BTK: variants seen among roughly 807,000 people sequenced by gnomAD.
The protein encoded by BTK is Bruton tyrosine kinase, also known as tyrosine-protein kinase BTK.
BTK carries 5 observed loss-of-function variants against 57.4 expected under a neutral mutation model. The observed-to-expected ratio is 0.09, with a 90% CI of 0.05 to 0.18. The LOEUF (loss-of-function observed/expected upper bound fraction) is 0.18. Among genes scored for constraint, BTK ranks in the 10% least tolerant of loss-of-function variants. BTK has a pLI of 1.00. For synonymous variants in BTK, 154 were observed against 174.3 expected (o/e 0.88, Z 0.92); for missense variants, 194 against 501.2 (o/e 0.39, Z 5.85).
At chrX:101,357,629 G>A (rs1926529614) in intron 12 of BTK, 46 bp from the exon 13 acceptor site, 1 of 1,047,461 alleles carries the variant, frequency 9.5e-7, no homozygotes, top group Non-Finnish European at 1.3e-6. Flanking sequence ...TGTAGGAGGT[G>A]GGATGCCTCA....
chrX:101,384,884 G>T (rs1430051271), intron 1 of BTK, among the ~76,000 whole-genome samples: 1 of 111,682 alleles, frequency 9.0e-6, no homozygotes, highest in Non-Finnish European at 1.9e-5. Flanking sequence ...CTTGATTGGG[G>T]TCACCAATCA....
rs1377058229 is a variant in BTK at position 101,358,203 on chromosome X, A to C, written c.1102+107T>G. 2.7e-6 allele frequency: 3 copies of C among 1,110,595 alleles called. No homozygotes were observed. The Admixed American group carries it at 6.6e-5, about 24-fold the overall frequency. The allele number at this position is 1,110,595 out of a possible 1,213,427, so 91.5% of individuals were successfully genotyped here. On this transcript the variant is annotated intron_variant, in intron 12 of 18. Transcript: ENST00000308731. ...CAGTATCACAGGGATTTCCTTTCAC[A>C]GTGAATTCACACTGTCCTGTGAGGC...
chrX:101,384,020 C>T (rs782137703), intron 1 of BTK, among the ~76,000 whole-genome samples: 5 of 111,664 alleles, frequency 4.5e-5, no homozygotes, highest in Non-Finnish European at 9.4e-5. Flanking sequence ...TCTAGTTCTT[C>T]CTTATTTTCA....
At chrX:101,361,627 C>T (rs1555978676) in intron 7 of BTK, among the ~76,000 whole-genome samples, 1 of 111,174 alleles carries the variant, frequency 9.0e-6, no homozygotes, top group Non-Finnish European at 1.9e-5. Context: ...TTTGAAAATA[C>T]TTTCCAGCTG....
intron 4 of BTK, among the ~76,000 whole-genome samples, chrX:101,370,934 C>T (rs1382102422): frequency 8.9e-6 from 1 of 112,445 alleles, no homozygotes; most frequent in Non-Finnish European, 1.9e-5. Context: ...TTGATATAGT[C>T]AGGGACACGA....
At chrX:101,355,164 C>T (rs896197519) in intron 15 of BTK, among the ~76,000 whole-genome samples, 11 of 112,044 alleles carry the variant, frequency 9.8e-5, no homozygotes, top group African/African-American at 3.2e-4. Flanking sequence ...GTGATCCCAG[C>T]TACTTGGGAG....
intron 1 of BTK, among the ~76,000 whole-genome samples, chrX:101,376,072 A>G (rs782360305): frequency 9.0e-6 from 1 of 111,219 alleles, no homozygotes; most frequent in South Asian, 3.8e-4. Flanking sequence ...CAACTGTCTT[A>G]CTGATATAGA....
chrX:101,361,442 G>A (rs781934436), intron 7 of BTK, among the ~76,000 whole-genome samples: 1 of 106,846 alleles, frequency 9.4e-6, no homozygotes, highest in African/African-American at 3.5e-5. Context: ...TTTGTAAAAT[G>A]AGTATAATAA....
intron 7 of BTK, among the ~76,000 whole-genome samples, chrX:101,361,031 C>G (rs782472442): frequency 9.0e-6 from 1 of 110,656 alleles, no homozygotes; most frequent in African/African-American, 3.3e-5. Context: ...GCCTGGCCAA[C>G]GTGACGAAAC....
chrX:101,361,888 C>A (rs782010436), intron 7 of BTK, among the ~76,000 whole-genome samples: 5 of 112,483 alleles, frequency 4.4e-5, no homozygotes, highest in Non-Finnish European at 9.4e-5. Flanking sequence ...GAGCGAGACT[C>A]CGTCTCAAAA....
intron 5 of BTK, among the ~76,000 whole-genome samples, chrX:101,366,327 G>A (rs1015534092): frequency 3.6e-5 from 4 of 110,991 alleles, no homozygotes; most frequent in African/African-American, 1.3e-4. Context: ...ATATAATAAA[G>A]TGCACAGATT....
chrX:101,362,470 C>A, intron 6 of BTK, 91 bp downstream of exon 6: 29 of 1,178,309 alleles, frequency 2.5e-5, no homozygotes, highest in Non-Finnish European at 3.3e-5. Context: ...AAGTGTACAA[C>A]CTTATGCTAT....
At chrX:101,359,166 A>C in intron 10 of BTK, 127 bp downstream of exon 10, 1 of 751,610 alleles carries the variant, frequency 1.3e-6, no homozygotes, top group Non-Finnish European at 2.1e-6. Context: ...AAAATGGTGT[A>C]ATTGGGATCC....
At position 101,356,861 on chromosome X, in the gene BTK, C is replaced by T. The variant is rs1555977917; in HGVS notation, c.1272G>A (p.Gln424=). Residue 424 remains glutamine (Q), a synonymous_variant, in exon 14 of 19, where the codon CAG becomes CAA. Coordinates refer to ENST00000308731, the MANE Select transcript of BTK (RefSeq NM_000061.3). ...TGATCATCTTGATGGCCACGTCGTACTGGCCTCTCCATTTCCCATACTTCA... is the reference window on the plus strand; with the variant it reads ...TGATCATCTTGATGGCCACGTCGTATTGGCCTCTCCATTTCCCATACTTCA... ...GVVKYGKWRG[Q]YDVAIKMIKE... The T allele has an allele frequency of 8.3e-7, 1 of 1,211,320 alleles. No homozygotes were observed. Among genetic ancestry groups the T allele is most frequent in the Admixed American group, 2.2e-5 (1 of 45,999 alleles).
chrX:101,368,564 A>G (rs1926931086), intron 5 of BTK, among the ~76,000 whole-genome samples: 1 of 112,108 alleles, frequency 8.9e-6, no homozygotes, highest in African/African-American at 3.2e-5. Flanking sequence ...ATAGGGGAAT[A>G]ATACATACTT....
chrX:101,358,826 G>A (rs1424973869), intron 10 of BTK, 130 bp from the exon 11 acceptor site: 4 of 570,711 alleles, frequency 7.0e-6, no homozygotes, highest in Admixed American at 4.8e-5. Flanking sequence ...TTGAGCTACA[G>A]CCTCATTGCT....
At chrX:101,366,432 AC>A (rs1555979433) in intron 5 of BTK, among the ~76,000 whole-genome samples, 1 of 111,901 alleles carries the variant, frequency 8.9e-6, no homozygotes, top group East Asian at 2.8e-4. Context: ...TGCAAAGGTA[AC>A]CAGTATTCTC....
At chrX:101,359,982 TATATATATAAATATATATAAA>T in intron 9 of BTK, 85 bp downstream of exon 9, 1 of 206,197 alleles carries the variant, frequency 4.8e-6, no homozygotes, top group Non-Finnish European at 7.8e-6. Flanking sequence ...GTGTGTTATA[TATATATATAAATATATATAAA>T]ATATATATAA....
chrX:101,370,294 A>G lies in BTK; in HGVS notation c.310-215T>C, dbSNP rs1245545776. 2.7e-5 allele frequency among the ~76,000 whole-genome samples: 3 copies of G among 111,785 alleles called. No individual in the cohort carries two copies. The East Asian group carries it at 8.4e-4, about 31-fold the overall frequency. On this transcript the variant is annotated intron_variant, in intron 4 of 18. Coordinates refer to ENST00000308731, the MANE Select transcript of BTK (RefSeq NM_000061.3). ...GAATGTAGCGTTTAAAAGCTCTTAG[A>G]ATTTTTCATACTCTTAGGTCCTCCT...
Sources: allele counts gnomAD v4.1 joint callset (sites outside exome capture counted in the v4.1 genomes callset), GRCh38; gene constraint gnomAD v4.1.1; transcripts MANE v1.5; gene names NCBI Gene and HGNC (gene_info 2026-07-23, HGNC 2026-07-21).